The following RNF10 variants were observed in gnomAD, a reference collection of about 807,000 sequenced individuals.
RNF10 encodes ring finger protein 10, also known as E3 ubiquitin-protein ligase RNF10.
A neutral mutation model predicts 91.4 loss-of-function variants in RNF10; 38 were observed. That is an observed-to-expected ratio of 0.42 (90% CI 0.32 to 0.54). RNF10 has a LOEUF of 0.54. RNF10 is among the 20% of genes least tolerant of loss of function. RNF10 has a pLI of 0.16. For missense variants in RNF10, 945 were observed against 1,012.0 expected (o/e 0.93, Z 0.90); for synonymous variants, 364 against 366.3 (o/e 0.99, Z 0.07).
intron 6 of RNF10, among the ~76,000 whole-genome samples, chr12:120,559,093 G>A (rs1874445729): frequency 6.7e-6 from 1 of 150,352 alleles, no homozygotes; most frequent in Non-Finnish European, 1.5e-5. Context: ...AATTAACTGG[G>A]CATGCAGGTA....
intron 1 of RNF10, among the ~76,000 whole-genome samples, chr12:120,544,382 G>T (rs914691898): frequency 2.6e-5 from 4 of 151,860 alleles, no homozygotes; most frequent in African/African-American, 7.3e-5. Context: ...AATTGGCTGG[G>T]AGTGTTGGCT....
intron 3 of RNF10, among the ~76,000 whole-genome samples, chr12:120,553,071 T>G (rs1593073826): frequency 1.9e-4 from 1 of 5,398 alleles, no homozygotes; most frequent in African/African-American, 3.7e-4. Flanking sequence ...TTTTTTTTTT[T>G]TTTTTTTTTT....
At chr12:120,560,473 T>C (rs921908601) in intron 6 of RNF10, among the ~76,000 whole-genome samples, 3 of 152,166 alleles carry the variant, frequency 2.0e-5, no homozygotes, top group African/African-American at 4.8e-5. Flanking sequence ...TTTTCTGATA[T>C]TACATACAAT....
intron 2 of RNF10, among the ~76,000 whole-genome samples, chr12:120,547,212 T>G (rs960199450): frequency 6.6e-6 from 1 of 152,166 alleles, no homozygotes; most frequent in Non-Finnish European, 1.5e-5. Flanking sequence ...GGAAAACAGT[T>G]TTAGAAGGTG....
chr12:120,550,718 T>G (rs940896479), intron 2 of RNF10, among the ~76,000 whole-genome samples: 4 of 151,722 alleles, frequency 2.6e-5, no homozygotes, highest in African/African-American at 4.8e-5. Flanking sequence ...TGCCTCAGCC[T>G]CCCGAGTAGC....
chr12:120,553,543 T>C (rs1443891242), intron 3 of RNF10, among the ~76,000 whole-genome samples: 3 of 151,802 alleles, frequency 2.0e-5, no homozygotes, highest in Non-Finnish European at 4.4e-5. Context: ...TAGCTGGGAC[T>C]ACAGGCGCCC....
At chr12:120,557,911 T>C (rs1384918495) in intron 6 of RNF10, among the ~76,000 whole-genome samples, 2 of 152,206 alleles carry the variant, frequency 1.3e-5, no homozygotes. Context: ...AAGGTTTTAT[T>C]ACATAGTGTC....
chr12:120,554,638 G>A, intron 3 of RNF10, 80 bp from the exon 4 acceptor site: 1 of 1,118,060 alleles, frequency 8.9e-7, no homozygotes, highest in Non-Finnish European at 1.4e-6. Context: ...TGATTTCTAA[G>A]TGAATAGATG....
chr12:120,540,008 T>TA (rs1159281549), intron 1 of RNF10, among the ~76,000 whole-genome samples: 3 of 151,764 alleles, frequency 2.0e-5, no homozygotes, highest in East Asian at 3.9e-4. Context: ...CTAATTTTTG[T>TA]ATTTTTAGTA....
intron 1 of RNF10, among the ~76,000 whole-genome samples, chr12:120,542,061 T>A (rs1031582738): frequency 1.3e-5 from 2 of 151,554 alleles, no homozygotes; most frequent in African/African-American, 4.9e-5. Flanking sequence ...AGAGACAGGG[T>A]TTCACCATGT....
intron 1 of RNF10, among the ~76,000 whole-genome samples, chr12:120,538,993 G>T (rs59307587): frequency 0.031 from 4,728 of 152,246 alleles, 236 homozygotes; most frequent in African/African-American, 0.11. Context: ...TTCAGGGCCC[G>T]TTGGCTGGAT....
Position 120,563,090 on chromosome 12 carries a change from T to C in RNF10, c.1254+20T>C. Reference sequence around the variant, plus strand: ...AGGAAGGTTAGTGTGTTCCTGTTACTAAGTGGCTGCCGTTCCTCAAATGCT... The same window carrying C: ...AGGAAGGTTAGTGTGTTCCTGTTACCAAGTGGCTGCCGTTCCTCAAATGCT... On this transcript the variant is annotated intron_variant, in intron 8 of 16. Transcript: ENST00000325954. 6.2e-7 allele frequency: 1 copy of C among 1,613,928 alleles called. No individual in the cohort carries two copies. Among genetic ancestry groups the C allele is most frequent in the Non-Finnish European group, 8.5e-7 (1 of 1,179,918 alleles).
rs191921489 is a variant in RNF10, at chr12:120,565,094, A to C, written c.1688A>C (p.Tyr563Ser). ...TAGGATGTTCGACAGCGTCACAGAT[A>C]TCTCTCTCACTTGCCACTCACCTGT... Reference protein sequence around the residue: ...MSEDVRQRHRYLSHLPLTCEF... With the variant: ...MSEDVRQRHRSLSHLPLTCEF... Residue 563 changes from tyrosine (Y) to serine (S), a missense_variant, in exon 11 of 17, where the codon TAT (tyrosine) becomes TCT (serine). Transcript: ENST00000325954. 8.1e-6 allele frequency: 13 copies of C among 1,613,708 alleles called. No homozygotes were observed. The highest frequency in any genetic ancestry group is 2.2e-5 in the East Asian group (1 of 44,880).
intron 2 of RNF10, among the ~76,000 whole-genome samples, chr12:120,548,277 A>G (rs1476522183): frequency 1.3e-5 from 2 of 152,222 alleles, no homozygotes; most frequent in Non-Finnish European, 2.9e-5. Flanking sequence ...GAGAGCTGTC[A>G]GCATACAGTT....
chr12:120,534,635 C>T lies in RNF10; in HGVS notation c.-177C>T. 1.3e-5 allele frequency: 17 copies of T among 1,337,906 alleles called. No individual in the cohort carries two copies. The highest frequency in any genetic ancestry group is 1.5e-5 in the Non-Finnish European group (16 of 1,048,462). 82.9% of individuals were successfully genotyped at this position (1,337,906 alleles called of 1,614,324 possible). A position where few individuals can be genotyped will look rare whatever the true frequency, so the allele number is the denominator to read the frequency against. On this transcript the variant is annotated 5_prime_UTR_variant, in exon 1 of 17. Transcript: ENST00000325954. ...GCCGCTGCCGCCGGGCTTAACAGCC[C>T]CGTCCGCCGCTTCTCTTCCTAGTTT...
At chr12:120,543,692 TGGG>T (rs1285037774) in intron 1 of RNF10, among the ~76,000 whole-genome samples, 1 of 152,014 alleles carries the variant, frequency 6.6e-6, no homozygotes, top group Non-Finnish European at 1.5e-5. Flanking sequence ...CCCAGCTACT[TGGG>T]GGGCTGAGGC....
chr12:120,544,786 T>C (rs921552763), intron 1 of RNF10, among the ~76,000 whole-genome samples: 2 of 152,256 alleles, frequency 1.3e-5, no homozygotes, highest in Non-Finnish European at 2.9e-5. Context: ...AGTTCCACTT[T>C]TTGAGAATTT....
intron 12 of RNF10, 116 bp from the exon 13 acceptor site, chr12:120,566,709 C>T (rs1417388440): frequency 1.6e-5 from 16 of 976,048 alleles, no homozygotes; most frequent in Admixed American, 2.4e-5. Context: ...ATGCAGTGAA[C>T]AGAGATCGTA....
intron 3 of RNF10, 145 bp downstream of exon 3, chr12:120,552,843 C>T (rs868627162): frequency 2.0e-5 from 14 of 697,608 alleles, no homozygotes; most frequent in South Asian, 9.8e-5. Context: ...ACCACTGCCC[C>T]GCCCTTCCTT....
Sources: gnomAD v4.1 joint callset for allele counts (sites outside exome capture counted in the v4.1 genomes callset) on GRCh38, gnomAD v4.1.1 for gene constraint, MANE v1.5 for transcripts, NCBI Gene and HGNC (gene_info 2026-07-23, HGNC 2026-07-21) for gene names.